The following RBFOX1 variants were observed in gnomAD, a reference collection of about 807,000 sequenced individuals.
RBFOX1 encodes the protein RNA binding protein fox-1 homolog 1.
A neutral mutation model predicts 57.7 loss-of-function variants in RBFOX1; 8 were observed. The ratio of observed to expected loss-of-function variants is 0.14; its 90% confidence interval spans 0.08 to 0.25. The LOEUF is 0.25. RBFOX1 is among the 10% of genes least tolerant of loss of function. The pLI is 1.00. For synonymous variants in RBFOX1, 326 were observed against 222.4 expected (o/e 1.47, Z -4.15); for missense variants, 611 against 548.5 (o/e 1.11, Z -1.14).
chr16:6,033,275 C>G (rs766977343), intron 1 of RBFOX1, among the ~76,000 whole-genome samples: 1 of 152,128 alleles, frequency 6.6e-6, no homozygotes, highest in Non-Finnish European at 1.5e-5. Context: ...CGTTTCTAGG[C>G]AGGGAATGAT....
chr16:6,114,253 C>G (rs1048168922), intron 1 of RBFOX1, among the ~76,000 whole-genome samples: 1 of 152,216 alleles, frequency 6.6e-6, no homozygotes, highest in Non-Finnish European at 1.5e-5. Context: ...AGAGTGATCT[C>G]TCATCTGATT....
At chr16:5,478,422 A>T (rs1440354118) in intron 2 of RBFOX1, among the ~76,000 whole-genome samples, 3 of 152,122 alleles carry the variant, frequency 2.0e-5, no homozygotes, top group African/African-American at 7.2e-5. Flanking sequence ...GAGCTGCAGC[A>T]TTATTGATTA....
intron 1 of RBFOX1, among the ~76,000 whole-genome samples, chr16:6,031,103 G>A (rs141086416): frequency 6.6e-6 from 1 of 152,314 alleles, no homozygotes; most frequent in African/African-American, 2.4e-5. Context: ...GAGTGACCCT[G>A]TTCGGTAGGA....
chr16:7,381,582 C>A (rs1342910963), intron 4 of RBFOX1, among the ~76,000 whole-genome samples: 1 of 151,046 alleles, frequency 6.6e-6, no homozygotes, highest in African/African-American at 2.4e-5. Flanking sequence ...TTTGTTTTGG[C>A]ATTGGTGCCT....
intron 12 of RBFOX1, among the ~76,000 whole-genome samples, chr16:7,664,015 C>T (rs1327831543): frequency 1.3e-5 from 2 of 152,136 alleles, no homozygotes; most frequent in South Asian, 2.1e-4. Flanking sequence ...ACATGGGTGG[C>T]AATCAGAGAG....
chr16:5,558,249 C>G (rs896992231), intron 2 of RBFOX1, among the ~76,000 whole-genome samples: 1 of 152,186 alleles, frequency 6.6e-6, no homozygotes, highest in Non-Finnish European at 1.5e-5. Context: ...GATTAACACA[C>G]AAGCTGTCTG....
At chr16:6,959,517 C>T (rs145039908) in intron 3 of RBFOX1, among the ~76,000 whole-genome samples, 2,212 of 152,128 alleles carry the variant, frequency 0.015, 60 homozygotes, top group African/African-American at 0.051. Context: ...TTTTTACCCT[C>T]TCTCATTCTG....
At chr16:6,979,793 A>T (rs1480211143) in intron 3 of RBFOX1, among the ~76,000 whole-genome samples, 1 of 152,132 alleles carries the variant, frequency 6.6e-6, no homozygotes, top group Non-Finnish European at 1.5e-5. Context: ...TGGGTATTCC[A>T]CCCTTTTCTC....
chr16:7,362,577 G>T (rs368763505), intron 4 of RBFOX1, among the ~76,000 whole-genome samples: 1 of 152,004 alleles, frequency 6.6e-6, no homozygotes, highest in Non-Finnish European at 1.5e-5. Context: ...GCATGTTAGT[G>T]TGTGTATTAG....
In RBFOX1 at chr16:7,337,493, C is replaced by T. The variant is rs940951810; in HGVS notation, c.28-180654C>T. On this transcript the variant is annotated intron_variant, in intron 4 of 15. Coordinates refer to ENST00000550418, the MANE Select transcript of RBFOX1 (RefSeq NM_018723.4). Reference sequence around the variant, plus strand: ...GAGCCTTGGCGTCTTTTCCAACTTACTGCCACTGTAGGATGTGACGATGTT... The same window carrying T: ...GAGCCTTGGCGTCTTTTCCAACTTATTGCCACTGTAGGATGTGACGATGTT... 4.6e-5 allele frequency among the ~76,000 whole-genome samples: 7 copies of T among 152,118 alleles called. 1 individual carries two copies. The highest frequency in any genetic ancestry group is 2.6e-4 in the Admixed American group (4 of 15,268).
intron 1 of RBFOX1, among the ~76,000 whole-genome samples, chr16:6,191,084 A>C (rs576394478): frequency 1.1e-4 from 16 of 149,630 alleles, no homozygotes; most frequent in Non-Finnish European, 1.6e-4. Context: ...GTCCTGAAGC[A>C]TCTTCTAGAC....
intron 4 of RBFOX1, among the ~76,000 whole-genome samples, chr16:7,055,950 C>G (rs186472865): frequency 4.8e-4 from 73 of 152,294 alleles, no homozygotes; most frequent in African/African-American, 1.7e-3. Context: ...GATGATTTCT[C>G]TGCCAACATT....
chr16:7,312,983 C>G (rs1350022023), intron 4 of RBFOX1, among the ~76,000 whole-genome samples: 3 of 151,964 alleles, frequency 2.0e-5, no homozygotes, highest in Admixed American at 2.0e-4. Flanking sequence ...CAGGATGGAC[C>G]GGGGAAGCTG....
At chr16:7,591,317 A>C (rs1349822445) in intron 7 of RBFOX1, among the ~76,000 whole-genome samples, 1 of 152,150 alleles carries the variant, frequency 6.6e-6, no homozygotes. Flanking sequence ...AATTCTCTGC[A>C]CCAGAAACTA....
intron 1 of RBFOX1, among the ~76,000 whole-genome samples, chr16:6,220,724 C>CA: frequency 7.3e-5 from 1 of 13,710 alleles, no homozygotes; most frequent in Middle Eastern, 0.056. Context: ...GACTAACCGC[C>CA]CCCCCCCAGT....
intron 4 of RBFOX1, among the ~76,000 whole-genome samples, chr16:7,178,116 A>G (rs1301582526): frequency 2.6e-5 from 4 of 152,236 alleles, no homozygotes; most frequent in South Asian, 2.1e-4. Context: ...CCAGGATGTC[A>G]GTGACAGCAG....
chr16:7,120,712 A>G (rs1246038569), intron 4 of RBFOX1, among the ~76,000 whole-genome samples: 3 of 149,244 alleles, frequency 2.0e-5, no homozygotes, highest in South Asian at 4.2e-4. Context: ...AAAAAAAACT[A>G]TACACAGTCT....
At position 6,235,558 on chromosome 16, in the gene RBFOX1, ATGTGTGTGTG is replaced by A. The variant is rs3064942; in HGVS notation, c.-126-81409_-126-81400del. 8.2e-3 allele frequency among the ~76,000 whole-genome samples: 1,205 copies of A among 146,820 alleles called. 6 individuals are homozygous for A. Among genetic ancestry groups the A allele is most frequent in the African/African-American group, 0.014 (556 of 39,318 alleles). The stretch of plus-strand genomic sequence containing the variant: ...CTGTGGTGTGTGTGTGCGTGTATGT[ATGTGTGTGTG>A]TGTGTGTGTGTGTGTGTGTGTGTGT... On this transcript the variant is annotated intron_variant, in intron 1 of 15. Transcript: ENST00000550418.
intron 3 of RBFOX1, among the ~76,000 whole-genome samples, chr16:6,816,005 C>T (rs144604376): frequency 8.5e-5 from 13 of 152,072 alleles, no homozygotes; most frequent in Admixed American, 1.3e-4. Context: ...TTCTTTCTGC[C>T]TATTGTACCA....
Sources: gnomAD v4.1 joint callset for allele counts (sites outside exome capture counted in the v4.1 genomes callset) on GRCh38, gnomAD v4.1.1 for gene constraint, MANE v1.5 for transcripts, NCBI Gene and HGNC (gene_info 2026-07-23, HGNC 2026-07-21) for gene names.